The following COX7B2 variants were observed in gnomAD, a reference collection of about 807,000 sequenced individuals.
COX7B2 encodes cytochrome c oxidase subunit 7B2, mitochondrial.
For synonymous variants in COX7B2, 37 were observed against 32.1 expected (o/e 1.15, Z -0.51); for missense variants, 109 against 95.9 (o/e 1.14, Z -0.57).
At chr4:46,769,322 T>C (rs1017648529) in intron 2 of COX7B2, among the ~76,000 whole-genome samples, 1 of 152,114 alleles carries the variant, frequency 6.6e-6, no homozygotes, top group Non-Finnish European at 1.5e-5. Context: ...AATATCTTCA[T>C]CAGAATACTA....
chr4:46,879,988 T>C (rs183346135), intron 1 of COX7B2, among the ~76,000 whole-genome samples: 76 of 152,274 alleles, frequency 5.0e-4, no homozygotes, highest in African/African-American at 1.8e-3. Context: ...CTTCCAATAC[T>C]GTCTTGAATA....
intron 2 of COX7B2, among the ~76,000 whole-genome samples, chr4:46,751,103 T>G (rs1715344049): frequency 1.3e-5 from 2 of 151,716 alleles, no homozygotes; most frequent in Admixed American, 6.6e-5. Context: ...CTTCTTTCAG[T>G]TTTCTGGAAT....
chr4:46,809,809 T>C (rs1181683679), intron 2 of COX7B2, among the ~76,000 whole-genome samples: 1 of 151,996 alleles, frequency 6.6e-6, no homozygotes, highest in Non-Finnish European at 1.5e-5. Context: ...TACTAATTAA[T>C]TCTCTGGTTA....
intron 2 of COX7B2, among the ~76,000 whole-genome samples, chr4:46,844,317 C>T (rs1716126736): frequency 3.3e-5 from 5 of 151,900 alleles, no homozygotes; most frequent in Admixed American, 3.3e-4. Context: ...CCAAATTCGG[C>T]TTTCAAGCTG....
At chr4:46,851,053 T>A (rs1716644816) in intron 1 of COX7B2, among the ~76,000 whole-genome samples, 1 of 151,958 alleles carries the variant, frequency 6.6e-6, no homozygotes, top group African/African-American at 2.4e-5. Context: ...GTAATGCAAG[T>A]TACCGGGGAA....
chr4:46,767,194 A>T (rs1425148138), intron 2 of COX7B2, among the ~76,000 whole-genome samples: 1 of 152,220 alleles, frequency 6.6e-6, no homozygotes, highest in African/African-American at 2.4e-5. Flanking sequence ...TGGCAAACAA[A>T]AGAAAGTAGG....
At chr4:46,819,667 C>T (rs927724250) in intron 2 of COX7B2, among the ~76,000 whole-genome samples, 2 of 152,056 alleles carry the variant, frequency 1.3e-5, no homozygotes, top group East Asian at 3.9e-4. Flanking sequence ...AAGGGTTAGA[C>T]AAGCTTGTGT....
chr4:46,828,845 T>C (rs182488652), intron 2 of COX7B2, among the ~76,000 whole-genome samples: 5 of 152,262 alleles, frequency 3.3e-5, no homozygotes, highest in African/African-American at 1.2e-4. Flanking sequence ...TGAGAAATCA[T>C]GTAAAAAAGG....
In COX7B2 at chr4:46,845,663, A is replaced by G. The variant is rs922071337; in HGVS notation, c.-104-649T>C. ...CAAGGATGTAGGGACACAGAAAAAAAGAGCATAGGATAAAAGAAAAACAGT... is the reference window on the plus strand; with the variant it reads ...CAAGGATGTAGGGACACAGAAAAAAGGAGCATAGGATAAAAGAAAAACAGT... On this transcript the variant is annotated intron_variant, in intron 1 of 2. Coordinates refer to ENST00000355591, the MANE Select transcript of COX7B2 (RefSeq NM_130902.3). 8.6e-5 allele frequency among the ~76,000 whole-genome samples: 13 copies of G among 152,014 alleles called. No homozygotes were observed. The South Asian group carries it at 1.0e-3, about 12-fold the overall frequency.
chr4:46,752,069 T>A (rs1715419487), intron 2 of COX7B2, among the ~76,000 whole-genome samples: 2 of 152,204 alleles, frequency 1.3e-5, no homozygotes. Context: ...ATTCTTCCAT[T>A]TTTTTGTGTC....
At chr4:46,886,857 A>T (rs1487821947) in intron 1 of COX7B2, among the ~76,000 whole-genome samples, 1 of 152,184 alleles carries the variant, frequency 6.6e-6, no homozygotes, top group Non-Finnish European at 1.5e-5. Context: ...CTTTTCACAG[A>T]TTTAAGGAAC....
At chr4:46,766,759 T>C (rs1716567333) in intron 2 of COX7B2, among the ~76,000 whole-genome samples, 1 of 150,250 alleles carries the variant, frequency 6.7e-6, no homozygotes, top group African/African-American at 2.4e-5. Context: ...TTTTTGCATA[T>C]GGTTGAAATT....
At chr4:46,825,565 C>G (rs948828016) in intron 2 of COX7B2, among the ~76,000 whole-genome samples, 1 of 151,872 alleles carries the variant, frequency 6.6e-6, no homozygotes, top group Non-Finnish European at 1.5e-5. Context: ...AAAAGAGCTC[C>G]CATAGCCAAG....
chr4:46,864,013 G>A (rs753627517), intron 1 of COX7B2, among the ~76,000 whole-genome samples: 8 of 152,104 alleles, frequency 5.3e-5, no homozygotes, highest in Non-Finnish European at 7.4e-5. Flanking sequence ...CACTATGCCC[G>A]CTATTTGGAA....
chr4:46,759,972 A>G (rs1272046265), intron 2 of COX7B2, among the ~76,000 whole-genome samples: 1 of 151,894 alleles, frequency 6.6e-6, no homozygotes, highest in African/African-American at 2.4e-5. Context: ...TATACGCCTT[A>G]TCTTACACTT....
At chr4:46,821,171 G>A (rs1319764220) in intron 2 of COX7B2, among the ~76,000 whole-genome samples, 1 of 151,974 alleles carries the variant, frequency 6.6e-6, no homozygotes, top group Non-Finnish European at 1.5e-5. Context: ...TTTTAACAAG[G>A]TGTCAAATAA....
At chr4:46,768,457 C>G (rs943466413) in intron 2 of COX7B2, among the ~76,000 whole-genome samples, 1 of 152,130 alleles carries the variant, frequency 6.6e-6, no homozygotes, top group Non-Finnish European at 1.5e-5. Flanking sequence ...TTTATGGGAA[C>G]AGGACAGGGG....
At chr4:46,904,450 AC>A in intron 1 of COX7B2, among the ~76,000 whole-genome samples, 1 of 152,326 alleles carries the variant, frequency 6.6e-6, no homozygotes, top group African/African-American at 2.4e-5. Context: ...GCAAAGATAT[AC>A]AACTCATTCA....
intron 2 of COX7B2, among the ~76,000 whole-genome samples, chr4:46,759,870 A>G (rs1716037714): frequency 6.7e-6 from 1 of 149,972 alleles, no homozygotes; most frequent in Non-Finnish European, 1.5e-5. Context: ...TATAAGTTAT[A>G]TAAGTCATAT....
Sources: gnomAD v4.1 joint callset for allele counts (sites outside exome capture counted in the v4.1 genomes callset) on GRCh38, gnomAD v4.1.1 for gene constraint, MANE v1.5 for transcripts, NCBI Gene and HGNC (gene_info 2026-07-23, HGNC 2026-07-21) for gene names.